PRKN: variants seen among roughly 807,000 people sequenced by gnomAD.
PRKN encodes E3 ubiquitin-protein ligase parkin.
PRKN carries 56 observed loss-of-function variants against 59.5 expected under a neutral mutation model. The ratio of observed to expected loss-of-function variants is 0.94; its 90% confidence interval spans 0.76 to 1.18. PRKN has a LOEUF of 1.18. PRKN is among the 50% of genes most tolerant of loss of function. The pLI is 0.00. For synonymous variants in PRKN, 250 were observed against 222.1 expected, an observed-to-expected ratio of 1.13 and a Z score of -1.12; for missense variants, 657 against 596.4, an observed-to-expected ratio of 1.10 and a Z score of -1.06.
At chr6:162,125,902 G>A (rs1446328343) in intron 4 of PRKN, among the ~76,000 whole-genome samples, 1 of 152,152 alleles carries the variant, frequency 6.6e-6, no homozygotes, top group Non-Finnish European at 1.5e-5. Context: ...TTTAAAACGG[G>A]TAGAGAACTG....
intron 1 of PRKN, among the ~76,000 whole-genome samples, chr6:162,495,225 A>AAAATATTAAAAAAG (rs1793004288): frequency 1.3e-5 from 2 of 152,258 alleles, no homozygotes; most frequent in South Asian, 4.1e-4. Context: ...TATCAAAACC[A>AAAATATTAAAAAAG]TACTTCTTAC....
At chr6:161,998,305 C>T (rs1781921169) in intron 5 of PRKN, among the ~76,000 whole-genome samples, 1 of 152,084 alleles carries the variant, frequency 6.6e-6, no homozygotes, top group African/African-American at 2.4e-5. Flanking sequence ...TTTATTCGTG[C>T]TATGATGGTT....
chr6:162,115,995 C>T (rs551930880), intron 4 of PRKN, among the ~76,000 whole-genome samples: 5 of 152,192 alleles, frequency 3.3e-5, no homozygotes, highest in Non-Finnish European at 7.3e-5. Context: ...TCACAATTTA[C>T]AGGGCCACTG....
intron 2 of PRKN, among the ~76,000 whole-genome samples, chr6:162,360,668 G>A (rs1785095295): frequency 6.6e-6 from 1 of 152,046 alleles, no homozygotes; most frequent in African/African-American, 2.4e-5. Context: ...CAGAGGTCAA[G>A]AAGTCAAAAG....
At chr6:161,504,307 A>G (rs517658) in intron 9 of PRKN, among the ~76,000 whole-genome samples, 120,802 of 151,694 alleles carry the variant, frequency 0.8, 48,346 homozygotes, top group Middle Eastern at 0.87. Context: ...AAGAGCCGGC[A>G]GGGATTGCCA....
chr6:162,602,319 T>G lies in PRKN; in HGVS notation c.7+125343A>C, dbSNP rs573249902. ...GGCAGAATGTTTCAGGCAAACAGAG[T>G]GTCATGAATTAAAAGCTGGGAAGCA... On this transcript the variant is annotated intron_variant, in intron 1 of 11. Coordinates refer to ENST00000366898, the MANE Select transcript of PRKN (RefSeq NM_004562.3). Among the ~76,000 whole-genome samples the G allele has an allele frequency of 5.9e-5, 9 of 151,498 alleles. No individual in the cohort carries two copies. The South Asian group carries it at 1.7e-3, about 28-fold the overall frequency.
chr6:161,995,397 TA>T (rs143091694), intron 5 of PRKN, among the ~76,000 whole-genome samples: 9,581 of 152,076 alleles, frequency 0.063, 419 homozygotes, highest in South Asian at 0.16. Context: ...GCACAGGCAA[TA>T]AAAAGTACAT....
intron 6 of PRKN, among the ~76,000 whole-genome samples, chr6:161,937,442 C>A (rs754854966): frequency 6.6e-6 from 1 of 152,206 alleles, no homozygotes; most frequent in Non-Finnish European, 1.5e-5. Context: ...AAGTCTTTAT[C>A]ATCTATAGTC....
rs138741875 is a variant in PRKN, at chr6:162,176,184, G to A, written c.534+24947C>T. Among the ~76,000 whole-genome samples, 41 of 152,252 alleles carry A rather than the reference G, an allele frequency of 2.7e-4. No individual in the cohort carries two copies. The East Asian group carries it at 6.8e-3, about 25-fold the overall frequency. Reference sequence around the variant, plus strand: ...AGAGGGGCCTATTAAGATTTGGAGAGGGGTGGAATTAGATGAATAATCTAA... The same window carrying A: ...AGAGGGGCCTATTAAGATTTGGAGAAGGGTGGAATTAGATGAATAATCTAA... On this transcript the variant is annotated intron_variant, in intron 4 of 11. Transcript: ENST00000366898.
chr6:161,436,466 G>T (rs951581090), intron 9 of PRKN, among the ~76,000 whole-genome samples: 2 of 151,744 alleles, frequency 1.3e-5, no homozygotes, highest in African/African-American at 4.9e-5. Context: ...TTTTTGGGGG[G>T]GGGTGGGCGG....
At position 161,749,537 on chromosome 6, in the gene PRKN, G is replaced by A. The variant is rs538402809; in HGVS notation, c.871+36235C>T. Among the ~76,000 whole-genome samples, 115 of 152,168 alleles carry A rather than the reference G, an allele frequency of 7.6e-4. 1 individual carries two copies. The highest frequency in any genetic ancestry group is 2.7e-3 in the African/African-American group (112 of 41,508). ...AATTTTCACAAAGTCTTCAACTCCA[G>A]CAATTTAAGTTTTATCAAGGGCCCT... is the stretch of plus-strand genomic sequence containing the variant. On this transcript the variant is annotated intron_variant, in intron 7 of 11. Coordinates refer to ENST00000366898, the MANE Select transcript of PRKN (RefSeq NM_004562.3).
intron 1 of PRKN, 37 bp downstream of exon 1, chr6:162,727,625 G>C: frequency 1.3e-6 from 2 of 1,575,052 alleles, no homozygotes; most frequent in Non-Finnish European, 8.6e-7. Context: ...GGCGTGGGGC[G>C]GCGCAGAGAG....
intron 1 of PRKN, among the ~76,000 whole-genome samples, chr6:162,445,549 G>A (rs1790268440): frequency 6.6e-6 from 1 of 151,632 alleles, no homozygotes; most frequent in South Asian, 2.1e-4. Context: ...ACAATCAGCA[G>A]GGCGTGGTGG....
chr6:161,489,334 T>C (rs1777458452), intron 9 of PRKN, among the ~76,000 whole-genome samples: 1 of 151,662 alleles, frequency 6.6e-6, no homozygotes, highest in Admixed American at 6.6e-5. Context: ...CCGAGGTAGG[T>C]GGATCACCTG....
chr6:162,597,230 A>AT (rs1781527395), intron 1 of PRKN, among the ~76,000 whole-genome samples: 2 of 151,880 alleles, frequency 1.3e-5, no homozygotes, highest in Non-Finnish European at 2.9e-5. Context: ...ATGCTTCCTT[A>AT]TTTTTTTAGA....
intron 3 of PRKN, among the ~76,000 whole-genome samples, chr6:162,249,174 T>G (rs1342804613): frequency 6.6e-6 from 1 of 152,152 alleles, no homozygotes; most frequent in Non-Finnish European, 1.5e-5. Flanking sequence ...CACCAGCTGC[T>G]TTTGCATATA....
intron 4 of PRKN, among the ~76,000 whole-genome samples, chr6:162,104,379 A>T (rs1780100661): frequency 6.6e-6 from 1 of 152,190 alleles, no homozygotes; most frequent in Admixed American, 6.5e-5. Context: ...TTCCAATACT[A>T]ATTAACATAT....
chr6:161,367,952 G>T (rs1785276131), intron 10 of PRKN, among the ~76,000 whole-genome samples: 1 of 152,158 alleles, frequency 6.6e-6, no homozygotes, highest in African/African-American at 2.4e-5. Flanking sequence ...CGCCTGGCCT[G>T]CGAGCAGTCG....
At chr6:162,467,769 C>T (rs780350687) in intron 1 of PRKN, among the ~76,000 whole-genome samples, 5 of 152,104 alleles carry the variant, frequency 3.3e-5, no homozygotes, top group East Asian at 1.9e-4. Flanking sequence ...CAGGGCTGCA[C>T]GGCCTGGCTC....
Sources: allele counts gnomAD v4.1 joint callset (sites outside exome capture counted in the v4.1 genomes callset), GRCh38; gene constraint gnomAD v4.1.1; transcripts MANE v1.5; gene names NCBI Gene and HGNC (gene_info 2026-07-23, HGNC 2026-07-21).